SBK1: variants seen among roughly 807,000 people sequenced by gnomAD.
SBK1 encodes the protein SH3 domain binding kinase 1.
In SBK1, 11 loss-of-function variants were observed where a neutral mutation model predicts 24.4. The observed-to-expected ratio is 0.45, with a 90% CI of 0.28 to 0.75. The LOEUF is 0.75. Ranked by LOEUF, SBK1 falls within the 30% of genes least tolerant of loss-of-function variation. The pLI is 0.12. For missense variants in SBK1, 467 were observed against 620.5 expected (o/e 0.75, Z 2.63); for synonymous variants, 308 against 284.4 (o/e 1.08, Z -0.83).
chr16:28,267,214 T>A (rs2044434687), intron 1 of SBK1, among the ~76,000 whole-genome samples: 1 of 152,044 alleles, frequency 6.6e-6, no homozygotes, highest in African/African-American at 2.4e-5. Context: ...GCCTAATTTT[T>A]AATTTTTTAT....
intron 1 of SBK1, among the ~76,000 whole-genome samples, chr16:28,275,257 C>T (rs145695506): frequency 1.1e-4 from 17 of 151,944 alleles, no homozygotes; most frequent in African/African-American, 4.1e-4. Flanking sequence ...TACAGTGAGC[C>T]GTGATCACAC....
At chr16:28,304,027 AACTC>A (rs1407857462) in intron 1 of SBK1, among the ~76,000 whole-genome samples, 2 of 151,982 alleles carry the variant, frequency 1.3e-5, no homozygotes, top group African/African-American at 2.4e-5. Context: ...AGAAATTCCA[AACTC>A]ACTCACCCTC....
At chr16:28,298,311 A>G (rs1036699630) in intron 1 of SBK1, among the ~76,000 whole-genome samples, 1 of 152,226 alleles carries the variant, frequency 6.6e-6, no homozygotes, top group African/African-American at 2.4e-5. Context: ...GAAGCAGCGG[A>G]ACATCTCCTA....
chr16:28,312,191 C>T (rs982075900), intron 1 of SBK1, among the ~76,000 whole-genome samples: 1 of 152,188 alleles, frequency 6.6e-6, no homozygotes, highest in Non-Finnish European at 1.5e-5. Flanking sequence ...GCTGCGTGCT[C>T]ATCAGAGCCC....
At chr16:28,298,782 C>G (rs1268198213) in intron 1 of SBK1, among the ~76,000 whole-genome samples, 1 of 152,208 alleles carries the variant, frequency 6.6e-6, no homozygotes, top group Admixed American at 6.5e-5. Flanking sequence ...CCAACTGCCT[C>G]TGGGCTTTGG....
In SBK1 at chr16:28,320,842, C is replaced by T. The variant is rs1332595194; in HGVS notation, c.1196C>T (p.Pro399Leu). ...VPEPGLAPQG[P>L]PGRTDGRADK... ...GAGCCCGGCCTAGCTCCCCAGGGGC[C>T]CCCCGGCCGGACCGACGGCCGCGCG... The change falls in exon 4 of 4, where the codon CCC (proline) becomes CTC (leucine). Residue 399 changes from proline to leucine, a missense_variant. Coordinates refer to ENST00000341901, the MANE Select transcript of SBK1 (RefSeq NM_001024401.3). This position sits in a 1 kb window ranked among gnomAD's most constrained non-coding sequence, Gnocchi z 8.5. The T allele has an allele frequency of 1.4e-6, 2 of 1,470,510 alleles. No homozygotes were observed. Among genetic ancestry groups the T allele is most frequent in the South Asian group, 2.5e-5 (2 of 81,092 alleles). The allele number at this position is 1,470,510 out of a possible 1,614,324, so 91.1% of individuals were successfully genotyped here.
intron 1 of SBK1, among the ~76,000 whole-genome samples, chr16:28,302,960 A>T (rs2044688956): frequency 9.8e-6 from 1 of 101,798 alleles, no homozygotes; most frequent in Non-Finnish European, 2.5e-5. Context: ...AGAGCAGGGC[A>T]TGGGGGGGGG....
At chr16:28,294,767 G>T (rs1019219746) in intron 1 of SBK1, among the ~76,000 whole-genome samples, 1 of 152,222 alleles carries the variant, frequency 6.6e-6, no homozygotes, top group Non-Finnish European at 1.5e-5. Context: ...ACTGACCCAA[G>T]GGTGAGGATG....
Position 28,321,502 on chromosome 16 carries a change from C to T in SBK1, c.*581C>T, listed in dbSNP as rs2044848492. 1 of 153,116 alleles carries T rather than the reference C, an allele frequency of 6.5e-6. No individual in the cohort carries two copies. Among genetic ancestry groups the T allele is most frequent in the Non-Finnish European group, 1.5e-5 (1 of 68,346 alleles). The allele number at this position is 153,116 out of a possible 1,614,324, so 9.5% of individuals were successfully genotyped here. A position where few individuals can be genotyped will look rare whatever the true frequency, so the allele number is the denominator to read the frequency against. ...TGAGCGAAGGGCAGCTGTGTCCTGC[C>T]CTCCCTTCTGGAGGCTGGAGGGGAG... On this transcript the variant is annotated 3_prime_UTR_variant, in exon 4 of 4. Transcript: ENST00000341901.
intron 1 of SBK1, among the ~76,000 whole-genome samples, chr16:28,294,538 C>G (rs1167598924): frequency 1.3e-5 from 2 of 152,358 alleles, no homozygotes; most frequent in African/African-American, 2.4e-5. Context: ...TCATTCCTAT[C>G]TCCTTTCTTG....
intron 1 of SBK1, among the ~76,000 whole-genome samples, chr16:28,304,997 C>G (rs908601560): frequency 6.6e-6 from 1 of 152,080 alleles, no homozygotes; most frequent in African/African-American, 2.4e-5. Flanking sequence ...ACAATCTCCA[C>G]CTCCCGGGTT....
chr16:28,267,202 T>C (rs2044434646), intron 1 of SBK1, among the ~76,000 whole-genome samples: 1 of 152,198 alleles, frequency 6.6e-6, no homozygotes, highest in South Asian at 2.1e-4. Flanking sequence ...CCACTGCACC[T>C]AGCCTAATTT....
intron 1 of SBK1, among the ~76,000 whole-genome samples, chr16:28,271,046 G>T (rs1467896200): frequency 6.6e-6 from 1 of 151,342 alleles, no homozygotes; most frequent in Non-Finnish European, 1.5e-5. Context: ...TGTACTTTTA[G>T]TAGAGACGGG....
intron 1 of SBK1, among the ~76,000 whole-genome samples, chr16:28,280,169 G>GTGTGTGTGTGTGTGTGTGTA (rs71140962): frequency 8.4e-6 from 1 of 118,886 alleles, no homozygotes; most frequent in Non-Finnish European, 1.8e-5. Context: ...GTGTGTGTGT[G>GTGTGTGTGTGTGTGTGTGTA]TGTATGTATA....
chr16:28,295,750 ATCT>A (rs1359520289), intron 1 of SBK1, among the ~76,000 whole-genome samples: 2 of 152,104 alleles, frequency 1.3e-5, no homozygotes, highest in East Asian at 1.9e-4. Context: ...TGATTTTTGG[ATCT>A]TCTTGAAAAA....
At chr16:28,277,135 G>A (rs535556603) in intron 1 of SBK1, among the ~76,000 whole-genome samples, 34 of 152,230 alleles carry the variant, frequency 2.2e-4, no homozygotes, top group Admixed American at 2.2e-3. Context: ...TTGCAGAGGA[G>A]AGGGTCGAAG....
Position 28,321,012 on chromosome 16 carries a change from G to C in SBK1, c.*91G>C. The C allele has an allele frequency of 8.5e-7, 1 of 1,177,162 alleles. No individual in the cohort carries two copies. The highest frequency in any genetic ancestry group is 1.1e-6 in the Non-Finnish European group (1 of 918,442). The allele number at this position is 1,177,162 out of a possible 1,614,324, so 72.9% of individuals were successfully genotyped here. A position where few individuals can be genotyped will look rare whatever the true frequency, so the allele number is the denominator to read the frequency against. ...CGGTAGGGAATGGAGCCACCTCGCC[G>C]CGGGGCAGGGGGCGCAGCGGTAGAC... On this transcript the variant is annotated 3_prime_UTR_variant, in exon 4 of 4. Coordinates refer to ENST00000341901, the MANE Select transcript of SBK1 (RefSeq NM_001024401.3).
intron 1 of SBK1, among the ~76,000 whole-genome samples, chr16:28,262,778 G>A (rs1404038361): frequency 6.6e-6 from 1 of 152,186 alleles, no homozygotes; most frequent in African/African-American, 2.4e-5. Flanking sequence ...GTGTTTTGAT[G>A]TATTAATTAA....
In SBK1 at chr16:28,319,911, A is replaced by G. The variant is rs2044825866; in HGVS notation, c.430-165A>G. Among the ~76,000 whole-genome samples, 1 of 152,082 alleles carries G rather than the reference A, an allele frequency of 6.6e-6. No individual in the cohort carries two copies. Among genetic ancestry groups the G allele is most frequent in the African/African-American group, 2.4e-5 (1 of 41,422 alleles). ...TGAGGATTGGATGAGACAGCGGGGGAAAGGGCGCTCAGCAGCATCCGGGCC... is the reference window on the plus strand; with the variant it reads ...TGAGGATTGGATGAGACAGCGGGGGGAAGGGCGCTCAGCAGCATCCGGGCC... On this transcript the variant is annotated intron_variant, in intron 3 of 3. Coordinates refer to ENST00000341901, the MANE Select transcript of SBK1 (RefSeq NM_001024401.3). The surrounding 1 kb of genome is among the most constrained non-coding windows in gnomAD (Gnocchi z 4.0).
Sources: gnomAD v4.1 joint callset for allele counts (sites outside exome capture counted in the v4.1 genomes callset) on GRCh38, gnomAD v4.1.1 for gene constraint, Gnocchi (gnomAD v3.1) non-coding constraint, MANE v1.5 for transcripts, NCBI Gene and HGNC (gene_info 2026-07-23, HGNC 2026-07-21) for gene names.